Variants in EPOR observed in about 807,000 individuals in gnomAD.
The protein encoded by EPOR is erythropoietin receptor.
EPOR carries 20 observed loss-of-function variants against 34.3 expected under a neutral mutation model. The ratio of observed to expected loss-of-function variants is 0.58; its 90% confidence interval spans 0.41 to 0.85. The LOEUF is 0.85. Ranked by LOEUF, EPOR falls within the 40% of genes least tolerant of loss-of-function variation. The probability of loss-of-function intolerance (pLI) is 0.00; values close to 1 mark genes in which losing one functional copy is unlikely to be tolerated. For missense variants in EPOR, 601 were observed against 672.7 expected, an observed-to-expected ratio of 0.89 and a Z score of 1.18; for synonymous variants, 312 against 299.0, an observed-to-expected ratio of 1.04 and a Z score of -0.45.
At position 11,382,366 on chromosome 19, in the gene EPOR, T is replaced by A. The variant is rs3216772; in HGVS notation, c.252-261A>T. ...CAGGCACGCGCCACGCCTGGCTTTT[T>A]TTTTTTTTTTTTTTGAGACGGAGTT... is the stretch of plus-strand genomic sequence containing the variant. On this transcript the variant is annotated intron_variant, in intron 2 of 7. Transcript: ENST00000222139. Among the ~76,000 whole-genome samples the A allele has an allele frequency of 0.14, 20,852 of 148,990 alleles. 1,766 individuals carry two copies. Among genetic ancestry groups the A allele is most frequent in the East Asian group, 0.32 (1,620 of 5,034 alleles).
At position 11,381,158 on chromosome 19, in the gene EPOR, GGC is replaced by G; in HGVS notation, c.635_636del (p.Gly212AlafsTer14). The G allele has an allele frequency of 6.4e-7, 1 of 1,555,196 alleles. No homozygotes were observed. The highest frequency in any genetic ancestry group is 8.7e-7 in the Non-Finnish European group (1 of 1,149,842). ...CGGACGGCGAAGGTGTAGCGCGTCC[GGC>G]CCCGCAGGTTGCTCAGCACACACTC... ...RTECVLSNLR[G>X]RTRYTFAVRA... On this transcript the variant is annotated frameshift_variant, in exon 5 of 8. Transcript: ENST00000222139. LOFTEE classifies it high-confidence loss of function. This position sits in a 1 kb window ranked among gnomAD's most constrained non-coding sequence, Gnocchi z 5.3.
chr19:11,380,997 C>A (rs1195529160), intron 5 of EPOR, 26 bp from the exon 6 acceptor site: 3 of 1,555,546 alleles, frequency 1.9e-6, no homozygotes, highest in South Asian at 1.2e-5. Flanking sequence ...GAGGTCAGGG[C>A]GGTGGGCTTG....
chr19:11,383,015 G>C lies in EPOR; in HGVS notation c.251+82C>G. The C allele has an allele frequency of 1.9e-6, 3 of 1,606,500 alleles. No homozygotes were observed. The highest frequency in any genetic ancestry group is 2.5e-6 in the Non-Finnish European group (3 of 1,179,316). On this transcript the variant is annotated intron_variant, in intron 2 of 7. Coordinates refer to ENST00000222139, the MANE Select transcript of EPOR (RefSeq NM_000121.4). This position sits in a 1 kb window ranked among gnomAD's most constrained non-coding sequence, Gnocchi z 4.9. ...CGCCGTCGGGCCTCAAACAGCAGGG[G>C]ACATACGAGGCTACGACCTCCAGGG...
chr19:11,384,131 G>A lies in EPOR; in HGVS notation c.77C>T (p.Pro26Leu), dbSNP rs752306228. The A allele has an allele frequency of 1.3e-6, 2 of 1,550,382 alleles. No homozygotes were observed. The highest frequency in any genetic ancestry group is 1.7e-6 in the Non-Finnish European group (2 of 1,146,628). ...CTTGGGGTCCGGGAGGTTAGGCGGG[G>A]GCGCCCAGGCGGCCCCAGCGAGCAG... ...CLLLAGAAWA[P>L]PPNLPDPKFE... The change falls in exon 1 of 8, where the codon CCC (proline) becomes CTC (leucine). Residue 26 changes from proline to leucine, a missense_variant. Transcript: ENST00000222139.
Position 11,378,830 on chromosome 19 carries a change from C to T in EPOR, c.828-52G>A, listed in dbSNP as rs751866420. 1.3e-6 allele frequency: 2 copies of T among 1,546,574 alleles called. No homozygotes were observed. The highest frequency in any genetic ancestry group is 1.8e-6 in the Non-Finnish European group (2 of 1,122,568). ...ATAGATATGACTCATTGAATACTCA[C>T]CAATTCCCCCTCCACTCCCAGTCAT... On this transcript the variant is annotated intron_variant, in intron 6 of 7. Coordinates refer to ENST00000222139, the MANE Select transcript of EPOR (RefSeq NM_000121.4). This position sits in a 1 kb window ranked among gnomAD's most constrained non-coding sequence, Gnocchi z 5.3.
chr19:11,381,018 C>G lies in EPOR; in HGVS notation c.739+38G>C, dbSNP rs1968347837. Reference sequence around the variant, plus strand: ...AGGGCGGTGGGCTTGCCCCGTGATTCGCCCTGGCTCCTCCTACACCCCCGC... The same window carrying G: ...AGGGCGGTGGGCTTGCCCCGTGATTGGCCCTGGCTCCTCCTACACCCCCGC... On this transcript the variant is annotated intron_variant, in intron 5 of 7. Coordinates refer to ENST00000222139, the MANE Select transcript of EPOR (RefSeq NM_000121.4). The surrounding 1 kb of genome is among the most constrained non-coding windows in gnomAD (Gnocchi z 5.3). The G allele has an allele frequency of 2.5e-6, 4 of 1,573,092 alleles. No individual in the cohort carries two copies. The highest frequency in any genetic ancestry group is 8.6e-7 in the Non-Finnish European group (1 of 1,158,726).
rs1418989819 is a variant in EPOR at position 11,378,681 on chromosome 19, G to A, written c.915+10C>T. ...AGCCCAGGCACTGAGGGGACAACCA[G>A]GCCACCTACCTGGAAGTTACCCTTG... On this transcript the variant is annotated intron_variant, in intron 7 of 7. Coordinates refer to ENST00000222139, the MANE Select transcript of EPOR (RefSeq NM_000121.4). This position sits in a 1 kb window ranked among gnomAD's most constrained non-coding sequence, Gnocchi z 5.3. The A allele has an allele frequency of 6.8e-6, 11 of 1,614,048 alleles. No homozygotes were observed. Among genetic ancestry groups the A allele is most frequent in the Non-Finnish European group, 8.5e-6 (10 of 1,180,004 alleles).
chr19:11,381,912 C>T lies in EPOR; in HGVS notation c.427+18G>A. 1 of 1,614,234 alleles carries T rather than the reference C, an allele frequency of 6.2e-7. No homozygotes were observed. Among genetic ancestry groups the T allele is most frequent in the Non-Finnish European group, 8.5e-7 (1 of 1,180,022 alleles). On this transcript the variant is annotated intron_variant, in intron 3 of 7. Transcript: ENST00000222139. The surrounding 1 kb of genome is among the most constrained non-coding windows in gnomAD (Gnocchi z 5.3). ...AGACCCTCTCCTCCGACCACTCCTC[C>T]ATTCCCAGAGCACTTACCTACTTCA... is the stretch of plus-strand genomic sequence containing the variant.
At position 11,383,124 on chromosome 19, in the gene EPOR, C is replaced by T. The variant is rs2144700003; in HGVS notation, c.224G>A (p.Gly75Asp). 4.3e-6 allele frequency: 7 copies of T among 1,613,696 alleles called. No homozygotes were observed. The highest frequency in any genetic ancestry group is 1.3e-5 in the African/African-American group (1 of 75,054). ...GAGCTGGTAGGAGAAGCTGTAGTTG[C>T]CCGGGCCCACCCCAGCGCTCGCCGC... ...EEAASAGVGP[G>D]NYSFSYQLED... Residue 75 changes from glycine (G) to aspartate (D), a missense_variant, in exon 2 of 8, where the codon GGC becomes GAC. Coordinates refer to ENST00000222139, the MANE Select transcript of EPOR (RefSeq NM_000121.4). The surrounding 1 kb of genome is among the most constrained non-coding windows in gnomAD (Gnocchi z 4.9).
In EPOR at chr19:11,378,149, G is replaced by A. The variant is rs1380587044; in HGVS notation, c.1362C>T (p.Tyr454=). The A allele has an allele frequency of 1.2e-6, 2 of 1,613,954 alleles. No individual in the cohort carries two copies. The highest frequency in any genetic ancestry group is 4.5e-5 in the East Asian group (2 of 44,894). Residue 454 remains tyrosine, a synonymous_variant, in exon 8 of 8, where the codon TAC becomes TAT. Transcript: ENST00000222139. The surrounding 1 kb of genome is among the most constrained non-coding windows in gnomAD (Gnocchi z 5.3). ...CAGAGTCAGATACCACAAGGTACAG[G>A]TACTTTAGGTGGGGTGGGGTAGGGG... ...ELPPTPPHLK[Y]LYLVVSDSGI...
chr19:11,382,720 C>T, intron 2 of EPOR: 1 of 879,078 alleles, frequency 1.1e-6, no homozygotes, highest in Non-Finnish European at 1.5e-6. Context: ...TCTTGAACTC[C>T]TGGGCTCAAG....
rs751644570 is a variant in EPOR, at chr19:11,382,148, G to C, written c.252-43C>G. ...GGAGCAGGTTGGGAGGGGGGACCGG[G>C]GAGTTGGCATTGCCCGGCCTGTGGG... On this transcript the variant is annotated intron_variant, in intron 2 of 7. Transcript: ENST00000222139. The C allele has an allele frequency of 2.5e-6, 4 of 1,579,928 alleles. No homozygotes were observed. The East Asian group carries it at 9.0e-5, about 36-fold the overall frequency.
At chr19:11,379,673 C>T (rs1968330106) in intron 6 of EPOR, among the ~76,000 whole-genome samples, 1 of 152,066 alleles carries the variant, frequency 6.6e-6, no homozygotes, top group African/African-American at 2.4e-5. Context: ...TGCCACACCC[C>T]CTTACATACC....
In EPOR at chr19:11,377,567, A is replaced by G. The variant is rs1210928681; in HGVS notation, c.*417T>C. ...CTGCCCATTTGAGCTGAGTTAGGAG[A>G]GAGAAATCATTTAATGTGGTAAGCC... On this transcript the variant is annotated 3_prime_UTR_variant, in exon 8 of 8. Coordinates refer to ENST00000222139, the MANE Select transcript of EPOR (RefSeq NM_000121.4). 2.2e-6 allele frequency: 1 copy of G among 455,410 alleles called. No individual in the cohort carries two copies. Among genetic ancestry groups the G allele is most frequent in the Admixed American group, 2.3e-5 (1 of 42,592 alleles). 28.2% of individuals were successfully genotyped at this position (455,410 alleles called of 1,614,324 possible).
chr19:11,381,783 C>A lies in EPOR; in HGVS notation c.494G>T (p.Arg165Leu), dbSNP rs772238101. 6.2e-7 allele frequency: 1 copy of A among 1,613,606 alleles called. No homozygotes were observed. Among genetic ancestry groups the A allele is most frequent in the South Asian group, 1.1e-5 (1 of 91,052 alleles). Residue 165 changes from arginine (R) to leucine (L), a missense_variant, in exon 4 of 8, where the codon CGC (arginine) becomes CTC (leucine). Physicochemically the swap from Arg to Leu is moderately radical, Grantham distance 102 (BLOSUM62 -2). Coordinates refer to ENST00000222139, the MANE Select transcript of EPOR (RefSeq NM_000121.4). The surrounding 1 kb of genome is among the most constrained non-coding windows in gnomAD (Gnocchi z 5.3). ...LADESGHVVLRWLPPPETPMT... is the reference protein window; with the variant it reads ...LADESGHVVLLWLPPPETPMT... Reference sequence around the variant, plus strand: ...GGGTGTCTCAGGCGGCGGGAGCCAGCGCAACACTACGTGGCCGCTCTCGTC... The same window carrying A: ...GGGTGTCTCAGGCGGCGGGAGCCAGAGCAACACTACGTGGCCGCTCTCGTC...
Position 11,382,118 on chromosome 19 carries a change from G to A in EPOR, c.252-13C>T. On this transcript the variant is annotated splice_polypyrimidine_tract_variant and intron_variant, in intron 2 of 7. Transcript: ENST00000222139. The stretch of plus-strand genomic sequence containing the variant: ...CCATGGCTCATCCCTATGCGCCCAG[G>A]GAAGGGAGCAGGTTGGGAGGGGGGA... The A allele has an allele frequency of 3.7e-6, 6 of 1,611,726 alleles. No individual in the cohort carries two copies. The highest frequency in any genetic ancestry group is 5.1e-6 in the Non-Finnish European group (6 of 1,178,552).
At position 11,380,964 on chromosome 19, in the gene EPOR, GT is replaced by G; in HGVS notation, c.746del (p.Asp249AlafsTer5). The part of the protein sequence containing the change: ...PVSLLTPSDL[D>X]PLILTLSLIL... ...TGAGGGAGAGCGTCAGGATGAGGGG[GT>G]CCAGGTCTAAGAGGCGGGGAGGAGG... is the stretch of plus-strand genomic sequence containing the variant. On this transcript the variant is annotated frameshift_variant, in exon 6 of 8. Transcript: ENST00000222139. LOFTEE classifies it high-confidence loss of function. The G allele has an allele frequency of 6.4e-7, 1 of 1,553,110 alleles. No homozygotes were observed. The highest frequency in any genetic ancestry group is 8.7e-7 in the Non-Finnish European group (1 of 1,147,572).
chr19:11,378,881 G>A lies in EPOR; in HGVS notation c.828-103C>T, dbSNP rs1022930601. On this transcript the variant is annotated intron_variant, in intron 6 of 7. Coordinates refer to ENST00000222139, the MANE Select transcript of EPOR (RefSeq NM_000121.4). The surrounding 1 kb of genome is among the most constrained non-coding windows in gnomAD (Gnocchi z 5.3). Reference sequence around the variant, plus strand: ...AGAGGCACAGATACACTTGGTCCCTGTGATCACAATGGAGGCAGAGGAGTA... The same window carrying A: ...AGAGGCACAGATACACTTGGTCCCTATGATCACAATGGAGGCAGAGGAGTA... The A allele has an allele frequency of 8.4e-7, 1 of 1,195,432 alleles. No homozygotes were observed. Among genetic ancestry groups the A allele is most frequent in the Non-Finnish European group, 1.2e-6 (1 of 824,868 alleles). The allele number at this position is 1,195,432 out of a possible 1,614,324, so 74.1% of individuals were successfully genotyped here. A position where few individuals can be genotyped will look rare whatever the true frequency, so the allele number is the denominator to read the frequency against.
rs1464795923 is a variant in EPOR, at chr19:11,377,570, G to T, written c.*414C>A. 4.4e-6 allele frequency: 2 copies of T among 455,664 alleles called. No homozygotes were observed. The highest frequency in any genetic ancestry group is 2.3e-5 in the Admixed American group (1 of 42,598). 28.2% of individuals were successfully genotyped at this position (455,664 alleles called of 1,614,324 possible). ...CCCATTTGAGCTGAGTTAGGAGAGA[G>T]AAATCATTTAATGTGGTAAGCCAGT... On this transcript the variant is annotated 3_prime_UTR_variant, in exon 8 of 8. Coordinates refer to ENST00000222139, the MANE Select transcript of EPOR (RefSeq NM_000121.4).
Sources: allele counts gnomAD v4.1 joint callset (sites outside exome capture counted in the v4.1 genomes callset), GRCh38; gene constraint gnomAD v4.1.1; non-coding constraint Gnocchi (gnomAD v3.1); transcripts MANE v1.5; gene names NCBI Gene and HGNC (gene_info 2026-07-23, HGNC 2026-07-21).